CDH13: variants seen among roughly 807,000 people sequenced by gnomAD.
CDH13 encodes cadherin-13.
A neutral mutation model predicts 63.8 loss-of-function variants in CDH13; 24 were observed. The ratio of observed to expected loss-of-function variants is 0.38; its 90% CI spans 0.27 to 0.53. The LOEUF (loss-of-function observed/expected upper bound fraction) is 0.53. CDH13 is among the 20% of genes least tolerant of loss of function. The pLI is 0.85. For synonymous variants in CDH13, 503 were observed against 355.3 expected (o/e 1.42, Z -4.67); for missense variants, 1,049 against 903.1 (o/e 1.16, Z -2.07).
At chr16:83,791,006 A>G (rs927062094) in intron 13 of CDH13, among the ~76,000 whole-genome samples, 6 of 152,194 alleles carry the variant, frequency 3.9e-5, no homozygotes, top group South Asian at 2.1e-4. Context: ...ACAAACTCAG[A>G]CACAATAAAG....
At chr16:82,878,294 C>G (rs1256924242) in intron 2 of CDH13, among the ~76,000 whole-genome samples, 2 of 151,964 alleles carry the variant, frequency 1.3e-5, no homozygotes, top group East Asian at 2.0e-4. Flanking sequence ...GCCCTTTGCT[C>G]TCTCAGTAAA....
At chr16:82,955,260 C>T (rs530443278) in intron 2 of CDH13, among the ~76,000 whole-genome samples, 1 of 152,270 alleles carries the variant, frequency 6.6e-6, no homozygotes, top group African/African-American at 2.4e-5. Flanking sequence ...AAGATGCCTG[C>T]CTTACACTGT....
At chr16:83,176,943 C>G (rs1178118307) in intron 4 of CDH13, among the ~76,000 whole-genome samples, 1 of 152,036 alleles carries the variant, frequency 6.6e-6, no homozygotes, top group African/African-American at 2.4e-5. Context: ...GAATGTCACC[C>G]TAGGAATGGC....
chr16:83,024,490 G>T (rs1915619022), intron 2 of CDH13, among the ~76,000 whole-genome samples: 2 of 152,098 alleles, frequency 1.3e-5, no homozygotes. Flanking sequence ...TAGCCCTCAG[G>T]AGTGTGGGCT....
intron 4 of CDH13, among the ~76,000 whole-genome samples, chr16:83,176,512 GAAAAA>G (rs869250059): frequency 0.011 from 788 of 71,788 alleles, 10 homozygotes; most frequent in African/African-American, 0.032. Flanking sequence ...TCCAGCTAGA[GAAAAA>G]AAAAAAAAAA....
intron 10 of CDH13, among the ~76,000 whole-genome samples, chr16:83,695,175 C>G (rs1905257002): frequency 1.3e-5 from 2 of 152,114 alleles, no homozygotes; most frequent in Non-Finnish European, 2.9e-5. Context: ...CCACTGTACT[C>G]CAGCCTGGGC....
chr16:83,340,654 T>C (rs1365905816), intron 5 of CDH13, among the ~76,000 whole-genome samples: 2 of 152,190 alleles, frequency 1.3e-5, no homozygotes, highest in Non-Finnish European at 1.5e-5. Flanking sequence ...CCGAGGAGCC[T>C]GCATTTCTAA....
intron 1 of CDH13, among the ~76,000 whole-genome samples, chr16:82,638,817 A>AGTGTGTGTGTGTGTGTGT (rs779050661): frequency 8.9e-4 from 47 of 52,544 alleles, no homozygotes; most frequent in African/African-American, 2.5e-3. Flanking sequence ...TTATTAGGGC[A>AGTGTGTGTGTGTGTGTGT]GTGTGTGCGT....
intron 5 of CDH13, among the ~76,000 whole-genome samples, chr16:83,252,065 T>A (rs1016030144): frequency 6.9e-6 from 1 of 144,642 alleles, no homozygotes; most frequent in South Asian, 2.1e-4. Context: ...TTTAAATAAA[T>A]ATATATATAT....
chr16:82,741,304 C>T (rs2033921759), intron 1 of CDH13, among the ~76,000 whole-genome samples: 4 of 152,170 alleles, frequency 2.6e-5, no homozygotes, highest in Admixed American at 2.6e-4. Flanking sequence ...ATTTCCTTTG[C>T]TGGGACACTC....
chr16:83,316,247 G>C (rs117493507), intron 5 of CDH13, among the ~76,000 whole-genome samples: 6 of 152,220 alleles, frequency 3.9e-5, no homozygotes, highest in Non-Finnish European at 5.9e-5. Flanking sequence ...ATTACAATTC[G>C]GATTTCAATT....
intron 2 of CDH13, among the ~76,000 whole-genome samples, chr16:82,959,603 C>G (rs1345627899): frequency 6.6e-6 from 1 of 152,162 alleles, no homozygotes; most frequent in Non-Finnish European, 1.5e-5. Flanking sequence ...CGACCTCCAT[C>G]TCTAATTTTC....
intron 3 of CDH13, among the ~76,000 whole-genome samples, chr16:83,116,973 T>C (rs2035331960): frequency 6.6e-6 from 1 of 152,192 alleles, no homozygotes; most frequent in South Asian, 2.1e-4. Flanking sequence ...TTCGTTCTGA[T>C]AACCTAGAGG....
chr16:82,796,697 C>T (rs1414173786), intron 1 of CDH13, among the ~76,000 whole-genome samples: 1 of 152,222 alleles, frequency 6.6e-6, no homozygotes, highest in Non-Finnish European at 1.5e-5. Context: ...CCCTAGTGGC[C>T]ACCCAAGATG....
At position 82,881,852 on chromosome 16, in the gene CDH13, C is replaced by A. The variant is rs143913126; in HGVS notation, c.157+23379C>A. Reference sequence around the variant, plus strand: ...TGGTTCATGACCCCCACACCCAGGTCTCTTTCCAGAGCTCACCCCTTTTTG... The same window carrying A: ...TGGTTCATGACCCCCACACCCAGGTATCTTTCCAGAGCTCACCCCTTTTTG... On this transcript the variant is annotated intron_variant, in intron 2 of 13. Transcript: ENST00000567109. Among the ~76,000 whole-genome samples, 487 of 152,248 alleles carry A rather than the reference C, an allele frequency of 3.2e-3. 2 individuals carry two copies. The highest frequency in any genetic ancestry group is 0.01 in the African/African-American group (436 of 41,554).
intron 2 of CDH13, among the ~76,000 whole-genome samples, chr16:82,879,475 T>C (rs923476011): frequency 1.4e-5 from 2 of 145,242 alleles, no homozygotes; most frequent in Admixed American, 7.0e-5. Flanking sequence ...TAAATAAATA[T>C]AAAATATATA....
intron 2 of CDH13, among the ~76,000 whole-genome samples, chr16:82,875,300 T>C (rs779788982): frequency 1.6e-4 from 24 of 152,242 alleles, no homozygotes; most frequent in Non-Finnish European, 2.9e-4. Context: ...TTGGATTATC[T>C]GTTGAAAAGC....
intron 1 of CDH13, among the ~76,000 whole-genome samples, chr16:82,771,933 T>G (rs1048188126): frequency 6.6e-6 from 1 of 152,212 alleles, no homozygotes; most frequent in Non-Finnish European, 1.5e-5. Flanking sequence ...TATTTATAAC[T>G]CTTGACCCAC....
At chr16:82,754,451 C>T (rs1367413521) in intron 1 of CDH13, among the ~76,000 whole-genome samples, 1 of 152,134 alleles carries the variant, frequency 6.6e-6, no homozygotes. Context: ...CTGTTGGAAC[C>T]TGCCTTTCTA....
Sources: gnomAD v4.1 joint callset for allele counts (sites outside exome capture counted in the v4.1 genomes callset) on GRCh38, gnomAD v4.1.1 for gene constraint, MANE v1.5 for transcripts, NCBI Gene and HGNC (gene_info 2026-07-23, HGNC 2026-07-21) for gene names.